Variants in CSMD3 observed in about 807,000 individuals in gnomAD.
CSMD3 encodes the protein CUB and sushi domain-containing protein 3.
Under a neutral mutation model 435.2 loss-of-function variants are expected in CSMD3, and 177 were observed. The ratio of observed to expected loss-of-function variants is 0.41; its 90% CI spans 0.36 to 0.46. The LOEUF is 0.46. CSMD3 is among the 20% of genes least tolerant of loss of function. The probability of loss-of-function intolerance (pLI) is 0.34; values close to 1 mark genes in which losing one functional copy is unlikely to be tolerated. For missense variants in CSMD3, 4,265 were observed against 4,504.6 expected (o/e 0.95, Z 1.52); for synonymous variants, 1,656 against 1,520.5 (o/e 1.09, Z -2.07).
intron 12 of CSMD3, among the ~76,000 whole-genome samples, chr8:112,819,128 G>A (rs1003144489): frequency 6.6e-6 from 1 of 152,140 alleles, no homozygotes; most frequent in African/African-American, 2.4e-5. Flanking sequence ...CACCTCACCT[G>A]TGCATCCCTA....
chr8:113,033,230 G>A (rs1002165677), intron 5 of CSMD3, among the ~76,000 whole-genome samples: 6 of 151,632 alleles, frequency 4.0e-5, no homozygotes, highest in Non-Finnish European at 8.8e-5. Flanking sequence ...ACCCCAGAAA[G>A]GTAGATCTAA....
intron 4 of CSMD3, among the ~76,000 whole-genome samples, chr8:113,112,186 A>G (rs1258501177): frequency 6.6e-6 from 1 of 151,694 alleles, no homozygotes; most frequent in Admixed American, 6.6e-5. Context: ...ATATTTCAAT[A>G]GTTTATACCA....
Position 113,063,812 on chromosome 8 carries a change from A to G in CSMD3, c.917+34944T>C, listed in dbSNP as rs899175374. 3.3e-5 allele frequency among the ~76,000 whole-genome samples: 5 copies of G among 151,926 alleles called. No homozygotes were observed. The South Asian group carries it at 6.2e-4, about 19-fold the overall frequency. On this transcript the variant is annotated intron_variant, in intron 5 of 70. Coordinates refer to ENST00000297405, the MANE Select transcript of CSMD3 (RefSeq NM_198123.2). The stretch of plus-strand genomic sequence containing the variant: ...AGCAAAATAAATATCAGTAAATGTA[A>G]TATCAGAATTATGATTTTCAAATCA...
intron 14 of CSMD3, among the ~76,000 whole-genome samples, chr8:112,689,096 T>C (rs1026037408): frequency 6.6e-6 from 1 of 152,090 alleles, no homozygotes. Context: ...CCAAGTAATC[T>C]TGGTTAAAGA....
chr8:113,427,393 CA>C (rs1464993041), intron 1 of CSMD3, among the ~76,000 whole-genome samples: 1 of 150,256 alleles, frequency 6.7e-6, no homozygotes, highest in Non-Finnish European at 1.5e-5. Context: ...ACAATTACTT[CA>C]AAAAGTCTAG....
intron 4 of CSMD3, among the ~76,000 whole-genome samples, chr8:113,158,016 A>G (rs2091965431): frequency 6.6e-6 from 1 of 152,110 alleles, no homozygotes; most frequent in South Asian, 2.1e-4. Context: ...ATTTCAAAAT[A>G]TAAGTAAGTA....
At chr8:113,184,989 T>C (rs1250120476) in intron 3 of CSMD3, among the ~76,000 whole-genome samples, 9 of 152,106 alleles carry the variant, frequency 5.9e-5, no homozygotes, top group Admixed American at 5.9e-4. Flanking sequence ...ATCATCACTG[T>C]GCTGGTCTAG....
intron 10 of CSMD3, among the ~76,000 whole-genome samples, chr8:112,911,057 C>T (rs900134465): frequency 2.6e-5 from 4 of 151,732 alleles, no homozygotes; most frequent in Non-Finnish European, 1.5e-5. Context: ...CTTCATCCTC[C>T]TATTCCTCAT....
intron 13 of CSMD3, among the ~76,000 whole-genome samples, chr8:112,789,805 AT>A: frequency 6.6e-6 from 1 of 152,010 alleles, no homozygotes; most frequent in East Asian, 1.9e-4. Flanking sequence ...ATGGGGAAAT[AT>A]TTGTAAAATA....
intron 38 of CSMD3, among the ~76,000 whole-genome samples, chr8:112,368,249 T>C (rs917956344): frequency 6.6e-6 from 1 of 152,148 alleles, no homozygotes; most frequent in African/African-American, 2.4e-5. Context: ...CTAATACAAA[T>C]GATCTCCACC....
At chr8:112,749,609 G>A (rs2077521127) in intron 13 of CSMD3, among the ~76,000 whole-genome samples, 1 of 152,020 alleles carries the variant, frequency 6.6e-6, no homozygotes, top group African/African-American at 2.4e-5. Flanking sequence ...TCAGACATGA[G>A]GAGCACTCTA....
At chr8:113,137,934 C>T (rs1413445934) in intron 4 of CSMD3, among the ~76,000 whole-genome samples, 1 of 151,554 alleles carries the variant, frequency 6.6e-6, no homozygotes, top group Non-Finnish European at 1.5e-5. Context: ...TAGATCTCAA[C>T]TTCTTCTCCT....
At chr8:112,592,264 C>CCCCTACTG (rs1686219173) in intron 22 of CSMD3, among the ~76,000 whole-genome samples, 1 of 151,850 alleles carries the variant, frequency 6.6e-6, no homozygotes, top group African/African-American at 2.4e-5. Flanking sequence ...TTTCCTTATG[C>CCCCTACTG]CCCTACTGAG....
At chr8:112,920,920 C>T (rs971381530) in intron 10 of CSMD3, among the ~76,000 whole-genome samples, 40 of 141,920 alleles carry the variant, frequency 2.8e-4, no homozygotes, top group South Asian at 4.4e-4. Flanking sequence ...TATATATATA[C>T]ACACACACAC....
intron 6 of CSMD3, among the ~76,000 whole-genome samples, chr8:112,994,249 G>A (rs1369861359): frequency 6.6e-6 from 1 of 151,676 alleles, no homozygotes; most frequent in Non-Finnish European, 1.5e-5. Context: ...AAAGCAAACA[G>A]CCTAAGTGAA....
intron 2 of CSMD3, among the ~76,000 whole-genome samples, chr8:113,293,963 A>G (rs1286717731): frequency 6.6e-6 from 1 of 152,128 alleles, no homozygotes; most frequent in Non-Finnish European, 1.5e-5. Context: ...TGAGTAAAAA[A>G]TATATTTCCA....
At chr8:112,578,445 C>T (rs1197653998) in intron 23 of CSMD3, among the ~76,000 whole-genome samples, 1 of 151,660 alleles carries the variant, frequency 6.6e-6, no homozygotes, top group Non-Finnish European at 1.5e-5. Context: ...TTTTATGAGG[C>T]CTAACATAGC....
chr8:112,448,584 T>C (rs1815894042), intron 32 of CSMD3, among the ~76,000 whole-genome samples: 1 of 152,132 alleles, frequency 6.6e-6, no homozygotes, highest in Non-Finnish European at 1.5e-5. Context: ...GATTCTTCTC[T>C]ACAGCCTTCA....
chr8:113,108,297 AG>A (rs2090540126), intron 4 of CSMD3, among the ~76,000 whole-genome samples: 2 of 151,866 alleles, frequency 1.3e-5, no homozygotes, highest in Non-Finnish European at 2.9e-5. Flanking sequence ...GCGTGGTGGC[AG>A]GTGCCTGTAG....
Sources: allele counts gnomAD v4.1 joint callset (sites outside exome capture counted in the v4.1 genomes callset), GRCh38; gene constraint gnomAD v4.1.1; transcripts MANE v1.5; gene names NCBI Gene and HGNC (gene_info 2026-07-23, HGNC 2026-07-21).